DDX31: variants seen among roughly 807,000 people sequenced by gnomAD.
DDX31 encodes DEAD-box helicase 31.
Under a neutral mutation model 91.3 loss-of-function variants are expected in DDX31, and 70 were observed. The ratio of observed to expected loss-of-function variants is 0.77; its 90% confidence interval spans 0.63 to 0.94. The LOEUF (loss-of-function observed/expected upper bound fraction) is 0.94, where lower values mean the gene tolerates loss of function less well. DDX31 is among the 40% of genes least tolerant of loss of function. The pLI, the probability that DDX31 is intolerant of heterozygous loss-of-function variation, is 0.00. For synonymous variants in DDX31, 362 were observed against 350.6 expected (o/e 1.03, Z -0.36); for missense variants, 902 against 925.0 (o/e 0.98, Z 0.32).
At chr9:132,642,374 C>T (rs1039226584) in intron 13 of DDX31, among the ~76,000 whole-genome samples, 5 of 152,204 alleles carry the variant, frequency 3.3e-5, no homozygotes, top group Non-Finnish European at 7.3e-5. Context: ...TTACTGCATG[C>T]AGGGCTTCAA....
chr9:132,599,820 G>A (rs777574721), intron 19 of DDX31, among the ~76,000 whole-genome samples: 4 of 152,244 alleles, frequency 2.6e-5, no homozygotes, highest in African/African-American at 9.6e-5. Flanking sequence ...CCAGGGCCAC[G>A]GCTAGGCCCT....
chr9:132,627,199 G>A (rs73560902), intron 16 of DDX31, among the ~76,000 whole-genome samples: 3,016 of 152,312 alleles, frequency 0.02, 87 homozygotes, highest in African/African-American at 0.069. Flanking sequence ...GCCGTTTGCA[G>A]TCAGGAACAG....
intron 17 of DDX31, among the ~76,000 whole-genome samples, chr9:132,623,599 G>C (rs1832196692): frequency 6.6e-6 from 1 of 151,360 alleles, no homozygotes; most frequent in Non-Finnish European, 1.5e-5. Context: ...AAAAAGAAAG[G>C]TCCGATCACA....
Position 132,618,461 on chromosome 9 carries a change from A to G in DDX31, c.1714-20T>C, listed in dbSNP as rs1199151480. On this transcript the variant is annotated intron_variant, in intron 17 of 19. Coordinates refer to ENST00000372159, the MANE Select transcript of DDX31 (RefSeq NM_022779.9). The stretch of plus-strand genomic sequence containing the variant: ...GGATTTCTGAGAGGGCGACGGAAGG[A>G]TTAAAGGAGAGATAGAGTCAAGGTC... 1 of 1,597,862 alleles carries G rather than the reference A, an allele frequency of 6.3e-7. No homozygotes were observed. Among genetic ancestry groups the G allele is most frequent in the Non-Finnish European group, 8.5e-7 (1 of 1,169,850 alleles).
chr9:132,637,856 C>T, intron 14 of DDX31: 2 of 986,866 alleles, frequency 2.0e-6, no homozygotes, highest in Non-Finnish European at 2.4e-6. Context: ...AAGCATACCC[C>T]AGAGAAAAGC....
chr9:132,638,233 G>A lies in DDX31; in HGVS notation c.1440+3771C>T, dbSNP rs112143616. 2,030 of 1,575,304 alleles carry A rather than the reference G, an allele frequency of 1.3e-3. 22 individuals are homozygous for A. The African/African-American group carries it at 0.025, about 19-fold the overall frequency. ...ACCGGAGACCAACAGAAAACCTAAT[G>A]TCAGCCTTAAAATCAGGTGGCTTAG... On this transcript the variant is annotated intron_variant, in intron 14 of 19. Coordinates refer to ENST00000372159, the MANE Select transcript of DDX31 (RefSeq NM_022779.9).
intron 6 of DDX31, among the ~76,000 whole-genome samples, chr9:132,654,945 CAAAAAAAAA>C (rs140953433): frequency 7.8e-5 from 7 of 90,228 alleles, no homozygotes; most frequent in Admixed American, 2.5e-4. Flanking sequence ...GACTCTGTCT[CAAAAAAAAA>C]AAAAAAAAAA....
At chr9:132,640,018 A>G (rs1833388610) in intron 14 of DDX31, among the ~76,000 whole-genome samples, 1 of 152,198 alleles carries the variant, frequency 6.6e-6, no homozygotes, top group Non-Finnish European at 1.5e-5. Context: ...GGCCCTGTCT[A>G]GCGCCCCCAA....
intron 9 of DDX31, 88 bp from the exon 10 acceptor site, chr9:132,648,639 T>C (rs1488585463): frequency 6.8e-7 from 1 of 1,477,594 alleles, no homozygotes; most frequent in Non-Finnish European, 9.1e-7. Context: ...ATAGACAGAC[T>C]CATTTCATGT....
Position 132,646,005 on chromosome 9 carries a change from G to C in DDX31, c.1270C>G (p.Leu424Val), listed in dbSNP as rs1833811580. 1 of 1,614,138 alleles carries C rather than the reference G, an allele frequency of 6.2e-7. No homozygotes were observed. Among genetic ancestry groups the C allele is most frequent in the Non-Finnish European group, 8.5e-7 (1 of 1,180,028 alleles). The change falls in exon 13 of 20, where the codon CTC (leucine) becomes GTC (valine). Residue 424 changes from leucine to valine, a missense_variant. Transcript: ENST00000372159. ...CTGCTCAGCAGGGTCTGTAGGAAGAGGCTGTAGTGGAACTCCACCAGCTCG... is the reference window on the plus strand; with the variant it reads ...CTGCTCAGCAGGGTCTGTAGGAAGACGCTGTAGTGGAACTCCACCAGCTCG... ...SCELVEFHYS[L>V]FLQTLLSSSG...
Position 132,641,707 on chromosome 9 carries a change from T to C in DDX31, c.1440+297A>G, listed in dbSNP as rs76220885. Among the ~76,000 whole-genome samples the C allele has an allele frequency of 9.6e-3, 1,465 of 152,368 alleles. 21 individuals are homozygous for C. Among genetic ancestry groups the C allele is most frequent in the Non-Finnish European group, 0.014 (984 of 68,034 alleles). The stretch of plus-strand genomic sequence containing the variant: ...CTTTCTCAGCTCTAATTACTCCCGA[T>C]AGCTGTAATTTACAAGTTTTTGGTG... On this transcript the variant is annotated intron_variant, in intron 14 of 19. Coordinates refer to ENST00000372159, the MANE Select transcript of DDX31 (RefSeq NM_022779.9).
intron 17 of DDX31, among the ~76,000 whole-genome samples, chr9:132,624,166 C>CAAAAAA (rs4021852): frequency 4.2e-5 from 3 of 71,466 alleles, no homozygotes; most frequent in Non-Finnish European, 7.9e-5. Context: ...GACTCCGTCT[C>CAAAAAA]AAAAAAAAAA....
chr9:132,635,192 T>A (rs756830553), intron 14 of DDX31, among the ~76,000 whole-genome samples: 1 of 152,096 alleles, frequency 6.6e-6, no homozygotes, highest in Non-Finnish European at 1.5e-5. Context: ...GTCCCTCTGT[T>A]GAGAAGGTGA....
intron 13 of DDX31, 105 bp downstream of exon 13, chr9:132,645,790 C>T (rs1003442939): frequency 1.2e-5 from 16 of 1,282,582 alleles, no homozygotes; most frequent in East Asian, 5.1e-5. Flanking sequence ...GTGCAAGGGT[C>T]GTAGCCATTG....
At chr9:132,643,999 A>G (rs1005861547) in intron 13 of DDX31, among the ~76,000 whole-genome samples, 2 of 152,114 alleles carry the variant, frequency 1.3e-5, no homozygotes, top group African/African-American at 4.8e-5. Context: ...CAATGCTCAT[A>G]AACTTTTTTA....
intron 6 of DDX31, among the ~76,000 whole-genome samples, chr9:132,655,279 A>G (rs4021850): frequency 5.7e-4 from 84 of 148,028 alleles, no homozygotes; most frequent in Non-Finnish European, 9.5e-4. Context: ...ATACATACAT[A>G]CAATGAAATG....
chr9:132,642,971 T>C (rs373759139), intron 13 of DDX31, among the ~76,000 whole-genome samples: 11 of 152,106 alleles, frequency 7.2e-5, no homozygotes, highest in African/African-American at 2.7e-4. Context: ...ACTACAGGCA[T>C]ACACACAATG....
chr9:132,656,944 G>A (rs1397361376), intron 6 of DDX31, among the ~76,000 whole-genome samples: 4 of 152,070 alleles, frequency 2.6e-5, no homozygotes, highest in Non-Finnish European at 5.9e-5. Flanking sequence ...GCACTTAATA[G>A]GGGGAAAAAA....
rs533855919 is a variant in DDX31, at chr9:132,643,922, GA to G, written c.1381-1860del. 6.3e-3 allele frequency among the ~76,000 whole-genome samples: 902 copies of G among 142,154 alleles called. 10 individuals carry two copies. The highest frequency in any genetic ancestry group is 0.016 in the African/African-American group (641 of 38,948). The allele number at this position is 142,154 out of a possible 152,430, so 93.3% of individuals were successfully genotyped here. A position where few individuals can be genotyped will look rare whatever the true frequency, so the allele number is the denominator to read the frequency against. On this transcript the variant is annotated intron_variant, in intron 13 of 19. Transcript: ENST00000372159. ...TATGATGTATTCAGATTTGGGGTAA[GA>G]AAAAAAAAAAACCTACCAAACTCTA...
Sources: gnomAD v4.1 joint callset for allele counts (sites outside exome capture counted in the v4.1 genomes callset) on GRCh38, gnomAD v4.1.1 for gene constraint, MANE v1.5 for transcripts, NCBI Gene and HGNC (gene_info 2026-07-23, HGNC 2026-07-21) for gene names.